TLN2: variants seen among roughly 807,000 people sequenced by gnomAD.
TLN2 encodes the protein talin-2.
TLN2 carries 118 observed loss-of-function variants against 294.7 expected under a neutral mutation model. That is an observed-to-expected ratio of 0.40 (90% confidence interval 0.34 to 0.47). The LOEUF is 0.47. Ranked by LOEUF, TLN2 falls within the 20% of genes least tolerant of loss-of-function variation. The pLI, the probability that TLN2 is intolerant of heterozygous loss-of-function variation, is 0.84. For synonymous variants in TLN2, 1,431 were observed against 1,304.5 expected (o/e 1.10, Z -2.09); for missense variants, 3,083 against 3,282.2 (o/e 0.94, Z 1.48).
chr15:62,698,622 G>A, intron 15 of TLN2, 132 bp from the exon 16 acceptor site: 1 of 653,506 alleles, frequency 1.5e-6, no homozygotes, highest in Non-Finnish European at 2.7e-6. Flanking sequence ...GGAGATGGTT[G>A]AGGCGCTTGT....
intron 13 of TLN2, among the ~76,000 whole-genome samples, chr15:62,693,393 T>G (rs2058078796): frequency 6.6e-6 from 1 of 152,174 alleles, no homozygotes; most frequent in Non-Finnish European, 1.5e-5. Flanking sequence ...AAGTGTGAGA[T>G]CTTTGACCTC....
At chr15:62,494,054 A>G (rs1477951471) in intron 1 of TLN2, among the ~76,000 whole-genome samples, 2 of 152,244 alleles carry the variant, frequency 1.3e-5, no homozygotes, top group East Asian at 3.9e-4. Context: ...TATTTTCAAG[A>G]AGACAACTGG....
chr15:62,805,659 G>A lies in TLN2; in HGVS notation c.6537G>A (p.Met2179Ile), dbSNP rs768183151. ...KTSSPEESIR[M>I]TKGITMATAK... ...CATCACCTGAAGAATCCATAAGGAT[G>A]ACGAAAGGCATCACCATGGCAACAG... The change falls in exon 51 of 59, where the codon ATG (methionine) becomes ATA (isoleucine). Residue 2179 changes from methionine (M) to isoleucine (I), a missense_variant. Transcript: ENST00000636159. 1 of 1,614,108 alleles carries A rather than the reference G, an allele frequency of 6.2e-7. No individual in the cohort carries two copies. The highest frequency in any genetic ancestry group is 8.5e-7 in the Non-Finnish European group (1 of 1,179,980).
rs1263563735 is a variant in TLN2 at position 62,582,241 on chromosome 15, CA to C, written c.-237-7445del. On this transcript the variant is annotated intron_variant, in intron 1 of 58. Transcript: ENST00000636159. ...ACACACACACACACACACACACACA[CA>C]CACACATTCATGCCTGACCCATTCC... 9.3e-3 allele frequency among the ~76,000 whole-genome samples: 1,359 copies of C among 146,608 alleles called. 44 individuals are homozygous for C. The highest frequency in any genetic ancestry group is 0.032 in the African/African-American group (1,246 of 39,210).
intron 1 of TLN2, among the ~76,000 whole-genome samples, chr15:62,584,193 G>C (rs1363099151): frequency 6.6e-6 from 1 of 152,210 alleles, no homozygotes. Flanking sequence ...AAGGAACTCT[G>C]TGCACACATA....
intron 23 of TLN2, among the ~76,000 whole-genome samples, chr15:62,716,803 G>A (rs1373583482): frequency 6.6e-6 from 1 of 152,152 alleles, no homozygotes; most frequent in Non-Finnish European, 1.5e-5. Flanking sequence ...CTTCCCATAG[G>A]AAATATGGAC....
chr15:62,655,509 C>T (rs2053101945), intron 7 of TLN2, among the ~76,000 whole-genome samples: 1 of 152,136 alleles, frequency 6.6e-6, no homozygotes, highest in Non-Finnish European at 1.5e-5. Flanking sequence ...GCCTCAAGAT[C>T]ACTTTATTAG....
chr15:62,796,405 C>T, intron 47 of TLN2, 112 bp downstream of exon 47: 2 of 1,254,788 alleles, frequency 1.6e-6, no homozygotes, highest in South Asian at 3.0e-5. Context: ...GTTTTGATTT[C>T]AACAAGATGC....
intron 1 of TLN2, among the ~76,000 whole-genome samples, chr15:62,491,338 AT>A (rs1395433527): frequency 0.016 from 1,323 of 85,320 alleles, 15 homozygotes; most frequent in Middle Eastern, 0.093. Flanking sequence ...AAAAAAAAAA[AT>A]ATATATATAT....
At chr15:62,448,329 AG>A (rs1416245468) in intron 1 of TLN2, among the ~76,000 whole-genome samples, 13 of 152,204 alleles carry the variant, frequency 8.5e-5, no homozygotes, top group African/African-American at 3.1e-4. Context: ...AGAGTTAGGT[AG>A]CAGTTATTGA....
At chr15:62,794,181 C>T (rs1193111351) in intron 46 of TLN2, among the ~76,000 whole-genome samples, 3 of 152,200 alleles carry the variant, frequency 2.0e-5, no homozygotes, top group South Asian at 2.1e-4. Flanking sequence ...GAGCTGGCCT[C>T]GGCCGCTACC....
chr15:62,399,387 A>G (rs1242743540), intron 1 of TLN2, among the ~76,000 whole-genome samples: 1 of 151,688 alleles, frequency 6.6e-6, no homozygotes, highest in East Asian at 1.9e-4. Flanking sequence ...TGGGGTCGGA[A>G]CCCCCACACA....
At chr15:62,418,914 A>G (rs1164057229) in intron 1 of TLN2, among the ~76,000 whole-genome samples, 1 of 152,238 alleles carries the variant, frequency 6.6e-6, no homozygotes, top group Non-Finnish European at 1.5e-5. Context: ...GCTTCAGGCC[A>G]TCTGGATGTA....
intron 1 of TLN2, among the ~76,000 whole-genome samples, chr15:62,557,118 A>G (rs2042649255): frequency 6.6e-6 from 1 of 152,194 alleles, no homozygotes; most frequent in African/African-American, 2.4e-5. Flanking sequence ...GAGAAACCCT[A>G]GGAACACACT....
chr15:62,616,926 G>T (rs1039637272), intron 2 of TLN2, among the ~76,000 whole-genome samples: 3 of 152,092 alleles, frequency 2.0e-5, no homozygotes, highest in Admixed American at 2.0e-4. Context: ...CCTGTGACTG[G>T]TGTGATCCTT....
chr15:62,660,736 C>G (rs115304231), intron 9 of TLN2, among the ~76,000 whole-genome samples: 2,114 of 152,240 alleles, frequency 0.014, 61 homozygotes, highest in African/African-American at 0.049. Flanking sequence ...TTTTCTTTAA[C>G]TCATTGAGAA....
intron 1 of TLN2, among the ~76,000 whole-genome samples, chr15:62,513,184 C>T (rs74020172): frequency 0.12 from 18,397 of 152,194 alleles, 1,191 homozygotes; most frequent in African/African-American, 0.14. Context: ...GACCTAGATC[C>T]TCCATCTCTC....
intron 22 of TLN2, among the ~76,000 whole-genome samples, chr15:62,715,870 C>G (rs919478172): frequency 1.3e-5 from 2 of 152,192 alleles, no homozygotes; most frequent in African/African-American, 2.4e-5. Flanking sequence ...CCCCTCTTCC[C>G]TCTGTCCCCA....
In TLN2 at chr15:62,762,432, A is replaced by G; in HGVS notation, c.4940A>G (p.Lys1647Arg). 6.2e-7 allele frequency: 1 copy of G among 1,614,110 alleles called. No homozygotes were observed. The highest frequency in any genetic ancestry group is 8.5e-7 in the Non-Finnish European group (1 of 1,180,010). ...GHSHTVSDSIKSLITSIRDKA... is the reference protein window; with the variant it reads ...GHSHTVSDSIRSLITSIRDKA... ...TCCCATACAGTGTCCGACTCCATCAAGAGTCTCATCACTTCTATCAGGTCA... is the reference window on the plus strand; with the variant it reads ...TCCCATACAGTGTCCGACTCCATCAGGAGTCTCATCACTTCTATCAGGTCA... Residue 1647 changes from lysine to arginine, a missense_variant, in exon 39 of 59, where the codon AAG becomes AGG. Transcript: ENST00000636159.
Sources: gnomAD v4.1 joint callset for allele counts (sites outside exome capture counted in the v4.1 genomes callset) on GRCh38, gnomAD v4.1.1 for gene constraint, MANE v1.5 for transcripts, NCBI Gene and HGNC (gene_info 2026-07-23, HGNC 2026-07-21) for gene names.